The following KCNT2 variants were observed in gnomAD, a reference collection of about 807,000 sequenced individuals.
KCNT2 encodes the protein potassium sodium-activated channel subfamily T member 2.
Under a neutral mutation model 153.8 loss-of-function variants are expected in KCNT2, and 67 were observed. That is an observed-to-expected ratio of 0.44 (90% CI 0.36 to 0.53). The LOEUF is 0.53. KCNT2 is among the 20% of genes least tolerant of loss of function. The pLI, the probability that KCNT2 is intolerant of heterozygous loss-of-function variation, is 0.00. For missense variants in KCNT2, 975 were observed against 1,354.8 expected, an observed-to-expected ratio of 0.72 and a Z score of 4.40; for synonymous variants, 500 against 458.8, an observed-to-expected ratio of 1.09 and a Z score of -1.15.
intron 14 of KCNT2, among the ~76,000 whole-genome samples, chr1:196,363,598 G>A (rs1198659107): frequency 2.6e-5 from 4 of 152,072 alleles, no homozygotes; most frequent in Non-Finnish European, 5.9e-5. Flanking sequence ...AACATCCTAT[G>A]GCTGGAGAAT....
intron 22 of KCNT2, among the ~76,000 whole-genome samples, chr1:196,292,878 C>T (rs991436789): frequency 4.8e-5 from 7 of 145,642 alleles, no homozygotes; most frequent in African/African-American, 1.5e-4. Flanking sequence ...CATGAACTTA[C>T]AGTATATTGA....
chr1:196,490,966 G>A (rs759490688), intron 2 of KCNT2, among the ~76,000 whole-genome samples: 2 of 151,906 alleles, frequency 1.3e-5, no homozygotes, highest in Non-Finnish European at 2.9e-5. Flanking sequence ...AAAGGTCGAT[G>A]CTTATCATTT....
At chr1:196,431,995 G>C (rs1674193101) in intron 8 of KCNT2, among the ~76,000 whole-genome samples, 1 of 152,058 alleles carries the variant, frequency 6.6e-6, no homozygotes, top group Admixed American at 6.6e-5. Context: ...CAGGACCAGA[G>C]TGTGAAAGGT....
chr1:196,362,112 T>C (rs1010110084), intron 14 of KCNT2, among the ~76,000 whole-genome samples: 5 of 152,056 alleles, frequency 3.3e-5, no homozygotes, highest in African/African-American at 1.2e-4. Context: ...GCTCCCCCAC[T>C]TTTTTTGTTT....
At chr1:196,516,464 G>A (rs73069708) in intron 1 of KCNT2, among the ~76,000 whole-genome samples, 7,144 of 151,720 alleles carry the variant, frequency 0.047, 573 homozygotes, top group African/African-American at 0.16. Flanking sequence ...TTTTCCAGCT[G>A]GCAGCAGTCC....
chr1:196,335,220 A>G (rs1238107729), intron 16 of KCNT2, among the ~76,000 whole-genome samples: 1 of 152,126 alleles, frequency 6.6e-6, no homozygotes, highest in Non-Finnish European at 1.5e-5. Flanking sequence ...ATTCTTTGAA[A>G]CAATTACAGT....
At chr1:196,362,205 C>T (rs962528266) in intron 14 of KCNT2, among the ~76,000 whole-genome samples, 4 of 151,988 alleles carry the variant, frequency 2.6e-5, no homozygotes, top group East Asian at 1.9e-4. Context: ...CCCTCATGAC[C>T]GCTGATTCCC....
intron 1 of KCNT2, among the ~76,000 whole-genome samples, chr1:196,568,669 C>T (rs1660409418): frequency 6.6e-6 from 1 of 151,782 alleles, no homozygotes; most frequent in Admixed American, 6.5e-5. Context: ...TGGTAATGCT[C>T]TTTTTCTGGC....
chr1:196,336,041 A>G (rs74136516), intron 16 of KCNT2, among the ~76,000 whole-genome samples: 4,683 of 152,204 alleles, frequency 0.031, 220 homozygotes, highest in African/African-American at 0.1. Flanking sequence ...AACCCTGCTT[A>G]AGTTAAACTC....
chr1:196,592,270 T>C (rs1386619363), intron 1 of KCNT2, among the ~76,000 whole-genome samples: 1 of 151,890 alleles, frequency 6.6e-6, no homozygotes, highest in Non-Finnish European at 1.5e-5. Flanking sequence ...AAATGACATC[T>C]TTTCACTTAT....
intron 26 of KCNT2, among the ~76,000 whole-genome samples, chr1:196,239,530 A>G (rs958756012): frequency 1.3e-5 from 2 of 152,016 alleles, no homozygotes; most frequent in African/African-American, 4.8e-5. Context: ...GAAAAGGGAC[A>G]GAATCATATT....
intron 2 of KCNT2, among the ~76,000 whole-genome samples, chr1:196,490,209 C>T (rs1407213154): frequency 6.6e-6 from 1 of 151,312 alleles, no homozygotes; most frequent in Admixed American, 6.6e-5. Flanking sequence ...CATTCAGAAG[C>T]CACAAAATTT....
At chr1:196,596,270 G>C (rs1234902335) in intron 1 of KCNT2, among the ~76,000 whole-genome samples, 2 of 151,950 alleles carry the variant, frequency 1.3e-5, no homozygotes, top group African/African-American at 4.8e-5. Flanking sequence ...TAGATCAAAT[G>C]GTAGTACAAC....
chr1:196,466,711 A>C (rs1677649955), intron 7 of KCNT2, among the ~76,000 whole-genome samples: 1 of 152,050 alleles, frequency 6.6e-6, no homozygotes. Flanking sequence ...TTCTTTGCAG[A>C]TGAAGATAAT....
chr1:196,265,712 C>T (rs910083310), intron 25 of KCNT2, among the ~76,000 whole-genome samples: 1 of 152,154 alleles, frequency 6.6e-6, no homozygotes, highest in African/African-American at 2.4e-5. Flanking sequence ...GGAGATAGCT[C>T]ATGTGTCCAC....
chr1:196,553,577 C>A (rs1249239391), intron 1 of KCNT2, among the ~76,000 whole-genome samples: 1 of 150,840 alleles, frequency 6.6e-6, no homozygotes, highest in East Asian at 1.9e-4. Flanking sequence ...ATAGGACAGA[C>A]CTCCCAGAAA....
chr1:196,410,027 A>T (rs1015427818), intron 12 of KCNT2, among the ~76,000 whole-genome samples: 2 of 151,718 alleles, frequency 1.3e-5, no homozygotes, highest in East Asian at 2.0e-4. Flanking sequence ...TTCGATTTGC[A>T]TTTCCCTGAT....
intron 16 of KCNT2, among the ~76,000 whole-genome samples, chr1:196,339,610 G>A (rs770365281): frequency 6.6e-6 from 1 of 151,586 alleles, no homozygotes. Flanking sequence ...ATGAAGTTAG[G>A]TAATGAGGAG....
At chr1:196,312,555 G>T (rs561645880) in intron 21 of KCNT2, among the ~76,000 whole-genome samples, 1 of 151,684 alleles carries the variant, frequency 6.6e-6, no homozygotes, top group South Asian at 2.1e-4. Flanking sequence ...AATGTGATAC[G>T]TGCATGCATT....
Sources: allele counts gnomAD v4.1 joint callset (sites outside exome capture counted in the v4.1 genomes callset), GRCh38; gene constraint gnomAD v4.1.1; transcripts MANE v1.5; gene names NCBI Gene and HGNC (gene_info 2026-07-23, HGNC 2026-07-21).